Variants in STK33 observed in about 807,000 individuals in gnomAD.
STK33 encodes serine/threonine-protein kinase 33.
A neutral mutation model predicts 58.0 loss-of-function variants in STK33; 52 were observed. The observed-to-expected ratio is 0.90, with a 90% CI of 0.72 to 1.13. The LOEUF (loss-of-function observed/expected upper bound fraction) is 1.13, where lower values mean the gene tolerates loss of function less well. Ranked by LOEUF, STK33 falls within the 50% of genes most tolerant of loss-of-function variation. The pLI is 0.00. For missense variants in STK33, 630 were observed against 604.2 expected (o/e 1.04, Z -0.45); for synonymous variants, 215 against 200.1 (o/e 1.07, Z -0.63).
chr11:8,382,051 C>A, the STK33 span, among the ~76,000 whole-genome samples: 1 of 152,168 alleles, frequency 6.6e-6, no homozygotes, highest in Non-Finnish European at 1.5e-5. Context: ...CTTCCCAACT[C>A]CTGCCTCGCC....
At chr11:8,504,119 A>G (rs1234229798) in intron 1 of STK33, among the ~76,000 whole-genome samples, 2 of 152,194 alleles carry the variant, frequency 1.3e-5, no homozygotes, top group Non-Finnish European at 2.9e-5. Flanking sequence ...TCCATGTTTT[A>G]TCTCCTCTAC....
intron 1 of STK33, among the ~76,000 whole-genome samples, chr11:8,498,139 A>C (rs1951204686): frequency 1.3e-5 from 2 of 152,192 alleles, no homozygotes; most frequent in African/African-American, 4.8e-5. Context: ...TAAACATATC[A>C]TTTTGATATA....
chr11:8,384,637 C>G, the STK33 span, among the ~76,000 whole-genome samples: 1 of 152,184 alleles, frequency 6.6e-6, no homozygotes, highest in African/African-American at 2.4e-5. Context: ...TGTTTGATCT[C>G]TCTGATAAGT....
rs142745984 is a variant in STK33, at chr11:8,419,778, A to G, written c.1147-6086T>C. ...CTATATATTAAGTGAAAATAGTTGC[A>G]TAATATGAACCCATTTGTGTAAAGT... On this transcript the variant is annotated intron_variant, in intron 14 of 15. Coordinates refer to ENST00000687296, the MANE Select transcript of STK33 (RefSeq NM_001352389.2). 1.9e-3 allele frequency among the ~76,000 whole-genome samples: 285 copies of G among 152,234 alleles called. 2 individuals carry two copies. Among genetic ancestry groups the G allele is most frequent in the African/African-American group, 6.6e-3 (273 of 41,540 alleles).
At chr11:8,488,424 CCTAAACT>C (rs1482977755) in intron 1 of STK33, among the ~76,000 whole-genome samples, 1 of 151,838 alleles carries the variant, frequency 6.6e-6, no homozygotes, top group Admixed American at 6.6e-5. Context: ...TTGAGAAGCT[CCTAAACT>C]CTAATCTCTG....
intron 14 of STK33, among the ~76,000 whole-genome samples, chr11:8,424,958 T>A (rs1283986141): frequency 1.5e-5 from 2 of 135,410 alleles, no homozygotes; most frequent in African/African-American, 5.8e-5. Flanking sequence ...TGAGGGTAGT[T>A]TCTTTTGCTG....
chr11:8,419,761 T>C (rs1047049235), intron 14 of STK33, among the ~76,000 whole-genome samples: 4 of 152,176 alleles, frequency 2.6e-5, no homozygotes, highest in Admixed American at 2.6e-4. Flanking sequence ...CCCTATATAT[T>C]AAGTGAAAAT....
At position 8,413,549 on chromosome 11, in the gene STK33, G is replaced by T. The variant is rs778585247; in HGVS notation, c.1290C>A (p.Pro430=). The change falls in exon 15 of 16, where the codon CCC becomes CCA. Residue 430 remains proline (P), a synonymous_variant. Transcript: ENST00000687296. Reference sequence around the variant, plus strand: ...AATTGGCATCAGGGACATTTCCCCAGGGTTGGTAACTTTTCAACTTTTCTT... The same window carrying T: ...AATTGGCATCAGGGACATTTCCCCATGGTTGGTAACTTTTCAACTTTTCTT... The part of the protein sequence containing the change: ...STEEKLKSYQ[P]WGNVPDANYT... 15 of 1,613,890 alleles carry T rather than the reference G, an allele frequency of 9.3e-6. No individual in the cohort carries two copies. Among genetic ancestry groups the T allele is most frequent in the Non-Finnish European group, 1.2e-5 (14 of 1,179,952 alleles).
chr11:8,336,299 T>A, the STK33 span, among the ~76,000 whole-genome samples: 1 of 151,946 alleles, frequency 6.6e-6, no homozygotes, highest in African/African-American at 2.4e-5. Flanking sequence ...GGGCTGGGGG[T>A]TAGAGTTCCC....
Position 8,405,519 on chromosome 11 carries a change from G to A in STK33, c.1344+7976C>T, listed in dbSNP as rs534304364. The stretch of plus-strand genomic sequence containing the variant: ...TATTGCAAATATTTTCTCCCTGTCT[G>A]TGGCTTATTTTTTAACATGCTTTTG... On this transcript the variant is annotated intron_variant, in intron 15 of 15. Transcript: ENST00000687296. Among the ~76,000 whole-genome samples, 83 of 141,554 alleles carry A rather than the reference G, an allele frequency of 5.9e-4. 1 individual carries two copies. Among genetic ancestry groups the A allele is most frequent in the African/African-American group, 2.1e-3 (77 of 35,986 alleles). The allele number at this position is 141,554 out of a possible 152,430, so 92.9% of individuals were successfully genotyped here.
chr11:8,592,432 T>TA (rs2032762158), intron 1 of STK33, among the ~76,000 whole-genome samples: 1 of 152,202 alleles, frequency 6.6e-6, no homozygotes, highest in African/African-American at 2.4e-5. Flanking sequence ...GTGCCATTTT[T>TA]ATCTGTGAAA....
chr11:8,563,602 T>C (rs923093151), intron 1 of STK33, among the ~76,000 whole-genome samples: 132 of 152,280 alleles, frequency 8.7e-4, no homozygotes, highest in African/African-American at 3.1e-3. Flanking sequence ...TATTGTACTT[T>C]TCGGATTTCA....
intron 15 of STK33, among the ~76,000 whole-genome samples, chr11:8,408,982 C>T (rs1939745276): frequency 6.6e-6 from 1 of 152,204 alleles, no homozygotes; most frequent in South Asian, 2.1e-4. Flanking sequence ...CTACCAAAAT[C>T]CCAGACTCCC....
At chr11:8,390,041 A>G (rs1158348379), downstream of STK33, among the ~76,000 whole-genome samples, 3 of 152,110 alleles carry the variant, frequency 2.0e-5, no homozygotes, top group Non-Finnish European at 4.4e-5. Flanking sequence ...ATGTGTTGTC[A>G]TCCTGTCTTC....
At chr11:8,523,904 G>T (rs1462875107) in intron 1 of STK33, among the ~76,000 whole-genome samples, 1 of 152,254 alleles carries the variant, frequency 6.6e-6, no homozygotes, top group South Asian at 2.1e-4. Context: ...AAAAGAAAGA[G>T]ATCGGATTGT....
At chr11:8,361,096 G>A in the STK33 span, among the ~76,000 whole-genome samples, 2 of 152,188 alleles carry the variant, frequency 1.3e-5, no homozygotes, top group Admixed American at 1.3e-4. This position sits in a 1 kb window ranked among gnomAD's most constrained non-coding sequence, Gnocchi z 4.8. Flanking sequence ...TATACCTCAA[G>A]AGAGAGGGGA....
At chr11:8,566,705 T>C (rs1007167884) in intron 1 of STK33, among the ~76,000 whole-genome samples, 1 of 152,212 alleles carries the variant, frequency 6.6e-6, no homozygotes, top group African/African-American at 2.4e-5. Context: ...CCCAAGTCTC[T>C]TCCACAGCAT....
intron 15 of STK33, among the ~76,000 whole-genome samples, chr11:8,403,417 T>C (rs184887805): frequency 6.6e-6 from 1 of 152,312 alleles, no homozygotes; most frequent in African/African-American, 2.4e-5. Flanking sequence ...AAGAGAGCTC[T>C]TCAATCTAAA....
At chr11:8,447,913 T>C (rs1424924846) in intron 11 of STK33, among the ~76,000 whole-genome samples, 1 of 152,188 alleles carries the variant, frequency 6.6e-6, no homozygotes, top group Non-Finnish European at 1.5e-5. Context: ...AAAATCTCCT[T>C]AAGCTGATAG....
Sources: gnomAD v4.1 joint callset for allele counts (sites outside exome capture counted in the v4.1 genomes callset) on GRCh38, gnomAD v4.1.1 for gene constraint, Gnocchi (gnomAD v3.1) non-coding constraint, MANE v1.5 for transcripts, NCBI Gene and HGNC (gene_info 2026-07-23, HGNC 2026-07-21) for gene names.